CDC14B: variants seen among roughly 807,000 people sequenced by gnomAD.
CDC14B encodes the protein cell division cycle 14B, also known as dual specificity protein phosphatase CDC14B.
A neutral mutation model predicts 64.2 loss-of-function variants in CDC14B; 22 were observed. The ratio of observed to expected loss-of-function variants is 0.34; its 90% CI spans 0.24 to 0.49. CDC14B has a LOEUF of 0.49. Ranked by LOEUF, CDC14B falls within the 20% of genes least tolerant of loss-of-function variation. The pLI, the probability that CDC14B is intolerant of heterozygous loss-of-function variation, is 0.99. For missense variants in CDC14B, 498 were observed against 629.9 expected (o/e 0.79, Z 2.24); for synonymous variants, 191 against 215.8 (o/e 0.89, Z 1.01).
intron 1 of CDC14B, chr9:96,566,974 C>T: frequency 6.9e-7 from 1 of 1,451,628 alleles, no homozygotes; most frequent in Non-Finnish European, 9.1e-7. Flanking sequence ...AACGGCCTGA[C>T]ACGACAGCGC....
At chr9:96,590,295 T>C (rs573216597) in intron 1 of CDC14B, among the ~76,000 whole-genome samples, 10 of 152,204 alleles carry the variant, frequency 6.6e-5, no homozygotes, top group East Asian at 1.9e-4. Flanking sequence ...TGAAGCTTCA[T>C]CCATGTTGTA....
intron 12 of CDC14B, among the ~76,000 whole-genome samples, chr9:96,513,264 G>A (rs903166664): frequency 8.5e-5 from 13 of 152,076 alleles, no homozygotes; most frequent in Admixed American, 1.3e-4. Flanking sequence ...CTGACAACAC[G>A]GTATTTATCC....
Position 96,503,852 on chromosome 9 carries a change from A to T in CDC14B, c.1461-63T>A, listed in dbSNP as rs1587713812. ...TACACAGCGTCCACAGGCAGTTATC[A>T]AAGACAAGGAGGGCAACATAATAAA... On this transcript the variant is annotated intron_variant, in intron 13 of 13. Transcript: ENST00000375241. 3 of 1,308,230 alleles carry T rather than the reference A, an allele frequency of 2.3e-6. No homozygotes were observed. In the East Asian group the frequency reaches 6.9e-5, roughly 30 times the overall value. The allele number at this position is 1,308,230 out of a possible 1,614,324, so 81.0% of individuals were successfully genotyped here. A position where few individuals can be genotyped will look rare whatever the true frequency, so the allele number is the denominator to read the frequency against.
chr9:96,619,111 A>C (rs1003953269), intron 1 of CDC14B, 108 bp downstream of exon 1: 2 of 887,704 alleles, frequency 2.3e-6, no homozygotes, highest in Non-Finnish European at 1.5e-6. Context: ...GGGCGAAGGC[A>C]TTTCGGCCCG....
chr9:96,535,979 G>C (rs1426977019), intron 7 of CDC14B, among the ~76,000 whole-genome samples: 2 of 152,202 alleles, frequency 1.3e-5, no homozygotes, highest in African/African-American at 4.8e-5. Context: ...TGATTTTAAA[G>C]TGAAATCAGA....
chr9:96,516,905 C>T (rs1334079679), intron 12 of CDC14B, among the ~76,000 whole-genome samples: 1 of 152,050 alleles, frequency 6.6e-6, no homozygotes, highest in Admixed American at 6.5e-5. Flanking sequence ...AATTCTGCCT[C>T]AGCCTCCCAA....
At chr9:96,562,669 T>C (rs376745799) in intron 4 of CDC14B, 24 bp downstream of exon 4, 13 of 1,478,860 alleles carry the variant, frequency 8.8e-6, no homozygotes, top group Non-Finnish European at 1.2e-5. Context: ...TTTTTATGAA[T>C]ACATTAGGAA....
At chr9:96,605,688 A>C (rs745631676) in intron 1 of CDC14B, among the ~76,000 whole-genome samples, 2 of 152,124 alleles carry the variant, frequency 1.3e-5, no homozygotes, top group Non-Finnish European at 2.9e-5. Flanking sequence ...ATATATGCCT[A>C]CTTAGTTTTA....
intron 2 of CDC14B, among the ~76,000 whole-genome samples, chr9:96,565,160 C>T (rs892750909): frequency 6.6e-6 from 1 of 151,598 alleles, no homozygotes; most frequent in Non-Finnish European, 1.5e-5. Flanking sequence ...ACTTAGTACA[C>T]ATTTATATCT....
At chr9:96,493,149 A>T (rs1833128696) in exon 14 of CDC14B, 1 of 152,314 alleles carries the variant, frequency 6.6e-6, no homozygotes, top group Non-Finnish European at 1.5e-5. Flanking sequence ...GGAGCAGCTG[A>T]GCCTGCGTCT....
chr9:96,590,026 C>T (rs1164562186), intron 1 of CDC14B, among the ~76,000 whole-genome samples: 4 of 152,084 alleles, frequency 2.6e-5, no homozygotes, highest in Non-Finnish European at 5.9e-5. Flanking sequence ...CCATCTTAGC[C>T]ATTTTAAGAG....
chr9:96,582,370 T>C (rs1845208621), intron 1 of CDC14B, among the ~76,000 whole-genome samples: 2 of 152,258 alleles, frequency 1.3e-5, no homozygotes, highest in African/African-American at 4.8e-5. Flanking sequence ...AAGCAAGCAT[T>C]AGGTCATAGC....
At chr9:96,586,900 C>T (rs1253768227) in intron 1 of CDC14B, among the ~76,000 whole-genome samples, 3 of 151,894 alleles carry the variant, frequency 2.0e-5, no homozygotes, top group Admixed American at 6.6e-5. Context: ...AGGCCAGGCG[C>T]GGTGGCTCAT....
chr9:96,522,693 G>T, intron 11 of CDC14B, 90 bp from the exon 12 acceptor site: 1 of 815,634 alleles, frequency 1.2e-6, no homozygotes, highest in Non-Finnish European at 2.1e-6. Flanking sequence ...CATGAACACA[G>T]TCCAAGTTTC....
chr9:96,526,090 G>A (rs1035558355), intron 9 of CDC14B, among the ~76,000 whole-genome samples: 16 of 152,116 alleles, frequency 1.1e-4, no homozygotes, highest in Admixed American at 5.2e-4. Context: ...GAGATAGGCC[G>A]GGTGCGGTGG....
Position 96,619,175 on chromosome 9 carries a change from G to T in CDC14B, c.160+44C>A, listed in dbSNP as rs755675872. ...GAGGTGGGCCAGGGCCCCGCGCCGG[G>T]TGCGGCCGTCCGGGGCCCTCCGCGC... is the stretch of plus-strand genomic sequence containing the variant. On this transcript the variant is annotated intron_variant, in intron 1 of 13. Coordinates refer to ENST00000375241, the MANE Select transcript of CDC14B (RefSeq NM_033331.4). The T allele has an allele frequency of 8.9e-5, 109 of 1,221,110 alleles. 1 individual carries two copies. In the Middle Eastern group the frequency reaches 1.6e-3, roughly 18 times the overall value. The allele number at this position is 1,221,110 out of a possible 1,614,324, so 75.6% of individuals were successfully genotyped here. A position where few individuals can be genotyped will look rare whatever the true frequency, so the allele number is the denominator to read the frequency against.
intron 1 of CDC14B, among the ~76,000 whole-genome samples, chr9:96,583,641 C>T (rs556981534): frequency 1.2e-3 from 182 of 152,126 alleles, no homozygotes; most frequent in African/African-American, 4.0e-3. Context: ...AGTGATCTGC[C>T]CGCCTCAGCC....
At chr9:96,578,469 C>T (rs10124187) in intron 1 of CDC14B, among the ~76,000 whole-genome samples, 9,578 of 152,154 alleles carry the variant, frequency 0.063, 953 homozygotes, top group African/African-American at 0.22. Flanking sequence ...GTGACTAACC[C>T]GTGATGTCGT....
chr9:96,515,660 G>C lies in CDC14B; in HGVS notation c.1344-5871C>G, dbSNP rs772592808. On this transcript the variant is annotated intron_variant, in intron 12 of 13. Transcript: ENST00000375241. This position sits in a 1 kb window ranked among gnomAD's most constrained non-coding sequence, Gnocchi z 4.3. ...AACGGGACACTTACAGCAGCTATCT[G>C]TCAGGGGGTCCTGATGGCTACTGTG... 1.3e-6 allele frequency: 2 copies of C among 1,577,252 alleles called. No homozygotes were observed. The highest frequency in any genetic ancestry group is 2.7e-5 in the African/African-American group (2 of 74,100).
Sources: gnomAD v4.1 joint callset for allele counts (sites outside exome capture counted in the v4.1 genomes callset) on GRCh38, gnomAD v4.1.1 for gene constraint, Gnocchi (gnomAD v3.1) non-coding constraint, MANE v1.5 for transcripts, NCBI Gene and HGNC (gene_info 2026-07-23, HGNC 2026-07-21) for gene names.